Variants in SYNE3 observed in about 807,000 individuals in gnomAD.
SYNE3 encodes the protein spectrin repeat containing nuclear envelope family member 3, also known as nesprin-3.
SYNE3 carries 100 observed loss-of-function variants against 111.2 expected under a neutral mutation model. The ratio of observed to expected loss-of-function variants is 0.90; its 90% CI spans 0.77 to 1.06. The LOEUF is 1.06. Among genes scored for constraint, SYNE3 ranks in the 50% least tolerant of loss-of-function variants. SYNE3 has a pLI of 0.00. For synonymous variants in SYNE3, 547 were observed against 533.9 expected, an observed-to-expected ratio of 1.02 and a Z score of -0.34; for missense variants, 1,160 against 1,240.3, an observed-to-expected ratio of 0.94 and a Z score of 0.97.
At position 95,417,942 on chromosome 14, in the gene SYNE3, G is replaced by C; in HGVS notation, c.2812C>G (p.Leu938Val). ...LPLQLLLLLF[L>V]LLLFLLPIRE... Reference sequence around the variant, plus strand: ...ATTGGGAGCAGGAACAGCAGGAGGAGGAACAGCAGCAGAAGCAGCTGCAGT... The same window carrying C: ...ATTGGGAGCAGGAACAGCAGGAGGACGAACAGCAGCAGAAGCAGCTGCAGT... Residue 938 changes from leucine (L) to valine (V), a missense_variant, in exon 18 of 18, where the codon CTC becomes GTC. By Grantham distance (32) the Leu-to-Val change is conservative. Transcript: ENST00000682763. 4 of 1,613,976 alleles carry C rather than the reference G, an allele frequency of 2.5e-6. No homozygotes were observed. The highest frequency in any genetic ancestry group is 3.4e-6 in the Non-Finnish European group (4 of 1,180,016).
intron 4 of SYNE3, 84 bp from the exon 5 acceptor site, chr14:95,457,422 GTGTGTGT>G: frequency 1.9e-6 from 2 of 1,027,890 alleles, no homozygotes; most frequent in Non-Finnish European, 2.5e-6. Flanking sequence ...CTGCCTGGGT[GTGTGTGT>G]GTGTGTGTGT....
rs541631214 is a variant in SYNE3 at position 95,407,723 on chromosome 14, A to T, written c.*10103T>A. ...ATCAAAAATCATTTATGCAGCATCTACATGCACATATACACACACAAGTGT... is the reference window on the plus strand; with the variant it reads ...ATCAAAAATCATTTATGCAGCATCTTCATGCACATATACACACACAAGTGT... On this transcript the variant is annotated 3_prime_UTR_variant, in exon 18 of 18. Transcript: ENST00000682763. 1 of 152,180 alleles carries T rather than the reference A, an allele frequency of 6.6e-6. No individual in the cohort carries two copies. Among genetic ancestry groups the T allele is most frequent in the Admixed American group, 6.6e-5 (1 of 15,256 alleles). 9.4% of individuals were successfully genotyped at this position (152,180 alleles called of 1,614,324 possible).
rs781387235 is a variant in SYNE3, at chr14:95,443,174, G to T, written c.1892C>A (p.Ala631Asp). ...CCTTACCTCCAGAGACCTCTGCAGG[G>T]CCTGGAAGTCGGAGGAAAGCTGGTC... ...KMDQLSSDFQALQRSLEDLVD... is the reference protein window; with the variant it reads ...KMDQLSSDFQDLQRSLEDLVD... The change falls in exon 11 of 18, where the codon GCC (alanine) becomes GAC (aspartate). Residue 631 changes from alanine to aspartate, a missense_variant. Transcript: ENST00000682763. 19 of 1,613,886 alleles carry T rather than the reference G, an allele frequency of 1.2e-5. No homozygotes were observed. Among genetic ancestry groups the T allele is most frequent in the East Asian group, 2.2e-5 (1 of 44,896 alleles).
Position 95,417,729 on chromosome 14 carries a change from C to A in SYNE3, c.*97G>T. ...ATGGATGCAGCTCTGCAGTCTTTGC[C>A]CTGCCCCTGTTTCCAGTTTCCCTGG... is the stretch of plus-strand genomic sequence containing the variant. On this transcript the variant is annotated 3_prime_UTR_variant, in exon 18 of 18. Coordinates refer to ENST00000682763, the MANE Select transcript of SYNE3 (RefSeq NM_152592.6). 7.5e-7 allele frequency: 1 copy of A among 1,325,640 alleles called. No homozygotes were observed. Among genetic ancestry groups the A allele is most frequent in the South Asian group, 1.2e-5 (1 of 83,662 alleles). The allele number at this position is 1,325,640 out of a possible 1,614,324, so 82.1% of individuals were successfully genotyped here. A position where few individuals can be genotyped will look rare whatever the true frequency, so the allele number is the denominator to read the frequency against.
chr14:95,425,749 C>T (rs1392778946), intron 17 of SYNE3, among the ~76,000 whole-genome samples: 3 of 152,122 alleles, frequency 2.0e-5, no homozygotes, highest in African/African-American at 7.2e-5. Context: ...TTCTATAAAC[C>T]GAAAGCTGCT....
intron 2 of SYNE3, among the ~76,000 whole-genome samples, chr14:95,468,764 T>C (rs1888347128): frequency 6.6e-6 from 1 of 152,188 alleles, no homozygotes; most frequent in Non-Finnish European, 1.5e-5. Context: ...ACCATGCACA[T>C]TTCATCTCAT....
At position 95,436,865 on chromosome 14, in the gene SYNE3, T is replaced by C. The variant is rs369215627; in HGVS notation, c.2493A>G (p.Arg831=). 379 of 1,614,208 alleles carry C rather than the reference T, an allele frequency of 2.3e-4. No homozygotes were observed. Among genetic ancestry groups the C allele is most frequent in the Non-Finnish European group, 3.1e-4 (367 of 1,180,040 alleles). The change falls in exon 15 of 18, where the codon AGA becomes AGG. Residue 831 remains arginine, a synonymous_variant. Transcript: ENST00000682763. Reference sequence around the variant, plus strand: ...TCCTCAAGTCCTCAGCTGTAGAAGTTCTCATTGCGATGATTCTAACCAGCT... The same window carrying C: ...TCCTCAAGTCCTCAGCTGTAGAAGTCCTCATTGCGATGATTCTAACCAGCT... ...NSKLVRIIAM[R]TSTAEDLRTR...
intron 1 of SYNE3, among the ~76,000 whole-genome samples, chr14:95,481,382 T>C (rs546877123): frequency 6.6e-6 from 1 of 150,800 alleles, no homozygotes; most frequent in Admixed American, 6.6e-5. Flanking sequence ...ACCAGGAGGG[T>C]GTAATGAGGA....
At chr14:95,432,679 T>C (rs1448716497) in intron 16 of SYNE3, among the ~76,000 whole-genome samples, 1 of 148,238 alleles carries the variant, frequency 6.7e-6, no homozygotes, top group Non-Finnish European at 1.5e-5. Context: ...TTATTATTAT[T>C]TGGTGTGAGG....
intron 1 of SYNE3, among the ~76,000 whole-genome samples, chr14:95,513,151 C>T (rs943529155): frequency 3.9e-5 from 6 of 152,140 alleles, no homozygotes; most frequent in Non-Finnish European, 8.8e-5. Flanking sequence ...GTAACTGCCC[C>T]CCCGACTCTC....
At position 95,443,663 on chromosome 14, in the gene SYNE3, T is replaced by C. The variant is rs993112584; in HGVS notation, c.1777-374A>G. ...AAATGCACTATTTTTTTTCTTTTTT[T>C]GGAGACAGAGTCTCACTCTGTCGCC... On this transcript the variant is annotated intron_variant, in intron 10 of 17. Coordinates refer to ENST00000682763, the MANE Select transcript of SYNE3 (RefSeq NM_152592.6). 2.4e-5 allele frequency: 4 copies of C among 168,656 alleles called. No individual in the cohort carries two copies. In the South Asian group the frequency reaches 5.2e-4, roughly 22 times the overall value. The allele number at this position is 168,656 out of a possible 1,614,324, so 10.4% of individuals were successfully genotyped here. A position where few individuals can be genotyped will look rare whatever the true frequency, so the allele number is the denominator to read the frequency against.
chr14:95,497,621 G>C (rs1890149341), intron 1 of SYNE3, among the ~76,000 whole-genome samples: 1 of 152,164 alleles, frequency 6.6e-6, no homozygotes, highest in Admixed American at 6.5e-5. Flanking sequence ...AGCGAGGGTT[G>C]GCAGACTGTT....
rs554934675 is a variant in SYNE3 at position 95,499,406 on chromosome 14, G to A, written c.-15+17190C>T. Among the ~76,000 whole-genome samples the A allele has an allele frequency of 4.6e-5, 7 of 152,164 alleles. No homozygotes were observed. In the South Asian group the frequency reaches 1.5e-3, roughly 32 times the overall value. ...CTACTTCCCACCTCCTCTACTTGCAGTAGGAACCACCTGTGGCTCCCTGTA... is the reference window on the plus strand; with the variant it reads ...CTACTTCCCACCTCCTCTACTTGCAATAGGAACCACCTGTGGCTCCCTGTA... On this transcript the variant is annotated intron_variant, in intron 1 of 17. Coordinates refer to ENST00000682763, the MANE Select transcript of SYNE3 (RefSeq NM_152592.6).
intron 17 of SYNE3, among the ~76,000 whole-genome samples, chr14:95,430,825 G>GA (rs35170615): frequency 0.78 from 112,032 of 143,784 alleles, 43,556 homozygotes; most frequent in Middle Eastern, 0.83. Context: ...TGTCTCAAAG[G>GA]AAAAAAAAAA....
intron 1 of SYNE3, among the ~76,000 whole-genome samples, chr14:95,480,151 T>A (rs1034125505): frequency 2.0e-5 from 3 of 152,226 alleles, no homozygotes; most frequent in Non-Finnish European, 4.4e-5. Flanking sequence ...AAAAAAAGTA[T>A]TTTCTGTTTC....
At chr14:95,499,980 C>T (rs1296248215) in intron 1 of SYNE3, among the ~76,000 whole-genome samples, 3 of 151,588 alleles carry the variant, frequency 2.0e-5, no homozygotes, top group Non-Finnish European at 4.4e-5. Flanking sequence ...CTGCCTCAGC[C>T]TCCAGAATAG....
At chr14:95,475,555 C>G in intron 2 of SYNE3, 123 bp downstream of exon 2, 1 of 1,158,142 alleles carries the variant, frequency 8.6e-7, no homozygotes, top group Non-Finnish European at 1.1e-6. Context: ...GTGTGCACAT[C>G]AGAGTTTGAG....
rs138956553 is a variant in SYNE3 at position 95,438,733 on chromosome 14, C to A, written c.2376+300G>T. The A allele has an allele frequency of 1.9e-4, 55 of 287,460 alleles. 1 individual carries two copies. The highest frequency in any genetic ancestry group is 1.1e-3 in the African/African-American group (52 of 48,108). The allele number at this position is 287,460 out of a possible 1,614,324, so 17.8% of individuals were successfully genotyped here. ...AGGAAGCTTTCAGCCCCGACACTCT[C>A]TTCCCTGCAGGAGCTGCTGCTAGTG... On this transcript the variant is annotated intron_variant, in intron 14 of 17. Transcript: ENST00000682763.
rs143543282 is a variant in SYNE3 at position 95,432,082 on chromosome 14, T to C, written c.2724A>G (p.Gln908=). Residue 908 remains glutamine, a synonymous_variant, in exon 17 of 18, where the codon CAA becomes CAG. Coordinates refer to ENST00000682763, the MANE Select transcript of SYNE3 (RefSeq NM_152592.6). Reference sequence around the variant, plus strand: ...GAGCAGATGGCAGACACTGTACCTTTTGGAATCCAGTCGGCTCCCCTGGAG... The same window carrying C: ...GAGCAGATGGCAGACACTGTACCTTCTGGAATCCAGTCGGCTCCCCTGGAG... ...QSSPGEPTGF[Q]KTRRWRGLGS... The C allele has an allele frequency of 1.4e-5, 23 of 1,612,294 alleles. No homozygotes were observed. The African/African-American group carries it at 2.7e-4, about 19-fold the overall frequency.
Sources: gnomAD v4.1 joint callset for allele counts (sites outside exome capture counted in the v4.1 genomes callset) on GRCh38, gnomAD v4.1.1 for gene constraint, MANE v1.5 for transcripts, NCBI Gene and HGNC (gene_info 2026-07-23, HGNC 2026-07-21) for gene names.